Variants in CCDC57 observed in about 807,000 individuals in gnomAD.
The protein encoded by CCDC57 is coiled-coil domain containing 57, also known as coiled-coil domain-containing protein 57.
In CCDC57, 118 loss-of-function variants were observed where a neutral mutation model predicts 118.9. That is an observed-to-expected ratio of 0.99 (90% CI 0.86 to 1.16). The LOEUF (loss-of-function observed/expected upper bound fraction) is 1.16, where lower values mean the gene tolerates loss of function less well. Among genes scored for constraint, CCDC57 ranks in the 50% most tolerant of loss-of-function variants. The pLI is 0.00. For missense variants in CCDC57, 1,300 were observed against 1,320.7 expected, an observed-to-expected ratio of 0.98 and a Z score of 0.24; for synonymous variants, 527 against 532.9, an observed-to-expected ratio of 0.99 and a Z score of 0.15.
intron 16 of CCDC57, among the ~76,000 whole-genome samples, chr17:82,143,941 T>TA (rs1682209541): frequency 1.8e-5 from 1 of 54,612 alleles, no homozygotes; most frequent in African/African-American, 7.0e-5. Context: ...CTACTAAAAA[T>TA]ACAAAAAAAA....
At chr17:82,197,191 C>T (rs890940134) in intron 4 of CCDC57, among the ~76,000 whole-genome samples, 5 of 148,364 alleles carry the variant, frequency 3.4e-5, no homozygotes, top group African/African-American at 5.0e-5. Context: ...CCTGCAGAGA[C>T]GCAGCCCCTC....
chr17:82,210,976 A>G (rs1362607039), intron 1 of CCDC57, among the ~76,000 whole-genome samples: 1 of 148,334 alleles, frequency 6.7e-6, no homozygotes, highest in Non-Finnish European at 1.5e-5. Flanking sequence ...CCTGGGCGGC[A>G]AAGAGAGACT....
chr17:82,110,260 G>A (rs1254113166), intron 19 of CCDC57, among the ~76,000 whole-genome samples: 3 of 152,222 alleles, frequency 2.0e-5, no homozygotes, highest in East Asian at 3.9e-4. Flanking sequence ...GATTACAGGC[G>A]TGAGCTGCCA....
At chr17:82,115,775 C>CA (rs2035808203) in intron 19 of CCDC57, among the ~76,000 whole-genome samples, 1 of 125,888 alleles carries the variant, frequency 7.9e-6, no homozygotes, top group East Asian at 2.6e-4. Context: ...CTCAAAAATA[C>CA]AAAAAATTTA....
At chr17:82,204,229 C>A (rs565781564) in intron 2 of CCDC57, among the ~76,000 whole-genome samples, 8 of 152,320 alleles carry the variant, frequency 5.3e-5, no homozygotes, top group Admixed American at 5.2e-4. Context: ...CTGGCTCCTC[C>A]AAGCTGCTGC....
chr17:82,130,441 C>T (rs574639290), intron 17 of CCDC57, among the ~76,000 whole-genome samples: 30 of 151,200 alleles, frequency 2.0e-4, no homozygotes, highest in African/African-American at 5.8e-4. Flanking sequence ...GTAATCTGCT[C>T]GCCTTGGCCC....
At chr17:82,191,987 CTTTT>C (rs35746149) in intron 7 of CCDC57, among the ~76,000 whole-genome samples, 1 of 137,798 alleles carries the variant, frequency 7.3e-6, no homozygotes, top group Non-Finnish European at 1.6e-5. Flanking sequence ...TTTTTTATGA[CTTTT>C]TTTTTTTTTT....
chr17:82,142,591 C>T (rs540784490), intron 16 of CCDC57, among the ~76,000 whole-genome samples: 156 of 152,158 alleles, frequency 1.0e-3, no homozygotes, highest in Non-Finnish European at 1.4e-3. Flanking sequence ...GGATTATAGG[C>T]GTGAGCCGCT....
intron 2 of CCDC57, among the ~76,000 whole-genome samples, chr17:82,207,260 G>A (rs893264469): frequency 1.3e-5 from 2 of 151,930 alleles, no homozygotes; most frequent in African/African-American, 4.8e-5. Flanking sequence ...TTGAGCTTAC[G>A]ACGTTGAGGC....
Position 82,163,186 on chromosome 17 carries a change from C to T in CCDC57, c.2040+14G>A. The T allele has an allele frequency of 6.2e-7, 1 of 1,612,072 alleles. No homozygotes were observed. On this transcript the variant is annotated intron_variant, in intron 14 of 19. Transcript: ENST00000665763. ...CTCTCTAGGAGGATGACCCCACAAA[C>T]TTGACTGCCTCACCTTCTGTCTGAG...
At chr17:82,150,499 G>A (rs1226157572) in intron 16 of CCDC57, among the ~76,000 whole-genome samples, 28 of 77,946 alleles carry the variant, frequency 3.6e-4, no homozygotes, top group East Asian at 1.2e-3. Flanking sequence ...AACCTGACCC[G>A]CACCCAGAAC....
At chr17:82,201,687 C>T (rs2049015033) in exon 3 of CCDC57, 1 of 1,613,472 alleles carries the variant, frequency 6.2e-7, no homozygotes, top group East Asian at 2.2e-5. Context: ...CCCGCCTGGC[C>T]TCTTCCCACT....
At chr17:82,173,954 G>A (rs892461206) in intron 11 of CCDC57, among the ~76,000 whole-genome samples, 3 of 152,188 alleles carry the variant, frequency 2.0e-5, no homozygotes, top group Non-Finnish European at 1.5e-5. Context: ...CTTTCCCTGC[G>A]GCTGTGAACA....
intron 19 of CCDC57, chr17:82,113,571 C>T (rs2035456600): frequency 2.8e-6 from 2 of 717,682 alleles, no homozygotes; most frequent in East Asian, 5.4e-5. Flanking sequence ...TTCATTCCCC[C>T]TCGCATTCCT....
chr17:82,145,979 A>G (rs960849319), intron 16 of CCDC57: 1 of 304,858 alleles, frequency 3.3e-6, no homozygotes, highest in Non-Finnish European at 6.9e-6. Context: ...GACAGGCTCT[A>G]TGCCTGAAAG....
At chr17:82,147,618 TG>T (rs2040953042) in intron 16 of CCDC57, among the ~76,000 whole-genome samples, 1 of 110,052 alleles carries the variant, frequency 9.1e-6, no homozygotes. Flanking sequence ...GATGGATGGA[TG>T]ATTGGGCGGG....
chr17:82,208,964 C>T (rs866569847), intron 1 of CCDC57, among the ~76,000 whole-genome samples: 35 of 152,194 alleles, frequency 2.3e-4, no homozygotes, highest in African/African-American at 8.2e-4. Flanking sequence ...GAATGCCCAT[C>T]TAAAAGCTAC....
chr17:82,157,668 A>C lies in CCDC57; in HGVS notation c.2241+80T>G, dbSNP rs1599006455. 2.0e-6 allele frequency: 3 copies of C among 1,498,364 alleles called. No individual in the cohort carries two copies. In the East Asian group the frequency reaches 7.4e-5, roughly 37 times the overall value. The allele number at this position is 1,498,364 out of a possible 1,614,324, so 92.8% of individuals were successfully genotyped here. ...TGAGCTCCCAGGGCATACAGACAGC[A>C]ACGCTGGCAGAGCACAGGCAAGGAC... On this transcript the variant is annotated intron_variant, in intron 15 of 19. Coordinates refer to ENST00000665763, the Ensembl canonical transcript of CCDC57.
intron 16 of CCDC57, among the ~76,000 whole-genome samples, chr17:82,148,199 G>A (rs1330436778): frequency 2.9e-5 from 4 of 140,310 alleles, no homozygotes; most frequent in Non-Finnish European, 6.2e-5. Context: ...AGATGGGTGC[G>A]TGGATGGTAG....
Sources: allele counts gnomAD v4.1 joint callset (sites outside exome capture counted in the v4.1 genomes callset), GRCh38; gene constraint gnomAD v4.1.1; transcripts MANE v1.5; gene names NCBI Gene and HGNC (gene_info 2026-07-23, HGNC 2026-07-21).